The following MAST4 variants were observed in gnomAD, a reference collection of about 807,000 sequenced individuals.
MAST4 encodes the protein microtubule-associated serine/threonine-protein kinase 4.
Under a neutral mutation model 162.7 loss-of-function variants are expected in MAST4, and 89 were observed. The ratio of observed to expected loss-of-function variants is 0.55; its 90% CI spans 0.46 to 0.65. MAST4 has a LOEUF of 0.65. MAST4 is among the 30% of genes least tolerant of loss of function. The pLI is 0.00. For missense variants in MAST4, 3,153 were observed against 3,374.0 expected (o/e 0.93, Z 1.62); for synonymous variants, 1,479 against 1,361.1 (o/e 1.09, Z -1.91).
intron 3 of MAST4, among the ~76,000 whole-genome samples, chr5:66,805,037 T>G (rs1756118955): frequency 6.6e-6 from 1 of 152,232 alleles, no homozygotes; most frequent in South Asian, 2.1e-4. Context: ...CTTCTGAATT[T>G]CATGTCATGC....
At chr5:66,833,634 T>G (rs1580575828) in intron 3 of MAST4, among the ~76,000 whole-genome samples, 1 of 152,316 alleles carries the variant, frequency 6.6e-6, no homozygotes, top group Middle Eastern at 3.4e-3. Flanking sequence ...ACCTACAATA[T>G]CCTTTCTTTA....
intron 1 of MAST4, among the ~76,000 whole-genome samples, chr5:66,688,050 C>T (rs1748803491): frequency 6.6e-6 from 1 of 152,134 alleles, no homozygotes; most frequent in Admixed American, 6.6e-5. Flanking sequence ...TGAGCATGTT[C>T]TCTGTTGGGT....
At chr5:67,103,444 T>C (rs1765256342) in intron 9 of MAST4, among the ~76,000 whole-genome samples, 1 of 152,252 alleles carries the variant, frequency 6.6e-6, no homozygotes, top group Non-Finnish European at 1.5e-5. Context: ...ATTTATCACA[T>C]GTCACTTGCT....
chr5:66,652,475 G>C (rs1362600110), intron 1 of MAST4, among the ~76,000 whole-genome samples: 1 of 152,144 alleles, frequency 6.6e-6, no homozygotes, highest in Non-Finnish European at 1.5e-5. Context: ...TGGTTGCTCT[G>C]TTTTCCTAAG....
chr5:67,163,683 G>A lies in MAST4; in HGVS notation c.4504G>A (p.Ala1502Thr), dbSNP rs569286544. ...NVCDVPPLSR[A>T]RPVEQGCLKR... is the part of the protein sequence containing the mutation. ...GTGCGACGTGCCGCCGCTCAGCCGC[G>A]CCCGGCCAGTGGAGCAAGGCTGCCT... is the stretch of plus-strand genomic sequence containing the variant. The change falls in exon 29 of 29, where the codon GCC becomes ACC. Residue 1502 changes from alanine to threonine, a missense_variant. Physicochemically the swap from Ala to Thr is moderately conservative, Grantham distance 58. This residue lies in a region of MAST4 where 1,644 missense variants were observed against 1,495.0 expected (regional missense o/e 1.10). Coordinates refer to ENST00000403625, the MANE Select transcript of MAST4 (RefSeq NM_001164664.2). The surrounding 1 kb of genome is among the most constrained non-coding windows in gnomAD (Gnocchi z 7.0). The A allele has an allele frequency of 1.4e-5, 23 of 1,608,756 alleles. 1 individual carries two copies. The East Asian group carries it at 4.5e-4, about 31-fold the overall frequency.
chr5:67,003,614 A>T (rs1004364315), intron 4 of MAST4, among the ~76,000 whole-genome samples: 1 of 152,218 alleles, frequency 6.6e-6, no homozygotes, highest in Non-Finnish European at 1.5e-5. Context: ...ATTACACCAG[A>T]CTTAAGGCAG....
At chr5:66,724,839 CATT>C (rs1751417679) in intron 1 of MAST4, among the ~76,000 whole-genome samples, 3 of 151,904 alleles carry the variant, frequency 2.0e-5, no homozygotes, top group Non-Finnish European at 4.4e-5. Context: ...TTGGTTGAAA[CATT>C]ATACAGCACT....
chr5:67,035,519 A>C (rs152633), intron 4 of MAST4, among the ~76,000 whole-genome samples: 22,901 of 152,100 alleles, frequency 0.15, 1,785 homozygotes, highest in South Asian at 0.25. Flanking sequence ...TGTAACCTTT[A>C]TGATGTGGTC....
intron 13 of MAST4, 80 bp from the exon 14 acceptor site, chr5:67,120,937 T>C: frequency 9.6e-7 from 1 of 1,042,468 alleles, no homozygotes; most frequent in Non-Finnish European, 1.4e-6. Context: ...CAGCATGTCC[T>C]TCAAATATTA....
intron 4 of MAST4, among the ~76,000 whole-genome samples, chr5:66,904,829 G>A (rs990457362): frequency 3.4e-5 from 5 of 147,884 alleles, no homozygotes; most frequent in African/African-American, 1.3e-4. Flanking sequence ...GGAGTATATT[G>A]CATGACACTA....
chr5:66,911,472 CAG>C (rs1391363999), intron 4 of MAST4, among the ~76,000 whole-genome samples: 1 of 146,152 alleles, frequency 6.8e-6, no homozygotes, highest in African/African-American at 2.5e-5. Flanking sequence ...GAGGCCAAGA[CAG>C]GGGGATTGCT....
intron 2 of MAST4, 63 bp from the exon 3 acceptor site, chr5:66,788,607 C>CCCAGCCAAAAA: frequency 2.2e-6 from 3 of 1,373,724 alleles, no homozygotes; most frequent in Non-Finnish European, 3.0e-6. Context: ...CCCCCACCCC[C>CCCAGCCAAAAA]ATTGCAATAA....
chr5:66,745,183 A>G (rs1406464509), intron 1 of MAST4, among the ~76,000 whole-genome samples: 1 of 152,212 alleles, frequency 6.6e-6, no homozygotes, highest in African/African-American at 2.4e-5. Context: ...ATGAAGTCCC[A>G]GCTGTGGGCT....
At chr5:66,812,944 CTGG>C (rs1756547593) in intron 3 of MAST4, among the ~76,000 whole-genome samples, 2 of 152,196 alleles carry the variant, frequency 1.3e-5, no homozygotes, top group Admixed American at 1.3e-4. Context: ...AGCAGCATCA[CTGG>C]GGCTCAGTTT....
chr5:67,078,927 T>TA lies in MAST4; in HGVS notation c.764-11234dup, dbSNP rs1554093935. Among the ~76,000 whole-genome samples the TA allele has an allele frequency of 3.6e-3, 304 of 84,236 alleles. 16 individuals carry two copies. Among genetic ancestry groups the TA allele is most frequent in the African/African-American group, 0.014 (236 of 17,122 alleles). The allele number at this position is 84,236 out of a possible 152,430, so 55.3% of individuals were successfully genotyped here. A position where few individuals can be genotyped will look rare whatever the true frequency, so the allele number is the denominator to read the frequency against. ...TTTTATATAAATATATATATATATA[T>TA]ATATATATATATATATATATATATG... On this transcript the variant is annotated intron_variant, in intron 5 of 28. Coordinates refer to ENST00000403625, the MANE Select transcript of MAST4 (RefSeq NM_001164664.2).
chr5:66,620,454 A>G (rs1744003171), intron 1 of MAST4, among the ~76,000 whole-genome samples: 1 of 152,204 alleles, frequency 6.6e-6, no homozygotes, highest in Admixed American at 6.5e-5. Context: ...GTATGGGCAC[A>G]TTATCTCTAA....
chr5:66,793,996 T>C (rs1351469808), intron 3 of MAST4, among the ~76,000 whole-genome samples: 1 of 152,180 alleles, frequency 6.6e-6, no homozygotes, highest in Non-Finnish European at 1.5e-5. Flanking sequence ...TGGCACATAG[T>C]AGGGTGCTCA....
At chr5:66,870,515 ATATCT>A (rs1760850681) in intron 3 of MAST4, among the ~76,000 whole-genome samples, 1 of 152,206 alleles carries the variant, frequency 6.6e-6, no homozygotes, top group Non-Finnish European at 1.5e-5. Flanking sequence ...TTGATGGGAA[ATATCT>A]TAATACTGGG....
chr5:67,104,388 G>T lies in MAST4; in HGVS notation c.1169G>T (p.Arg390Leu). The part of the protein sequence containing the change: ...FPKATAQMEE[R>L]LKEIITSYSP... ...TAGGCTACAGCTCAGATGGAAGAAC[G>T]TCTAAAGGAAATTATCACCAGCTAC... Residue 390 changes from arginine (R) to leucine (L), a missense_variant, in exon 10 of 29, where the codon CGT (arginine) becomes CTT (leucine). Around this residue, in one of 7 missense-constraint regions of MAST4, gnomAD observed 360 missense variants for 450.0 expected, o/e 0.80. Coordinates refer to ENST00000403625, the MANE Select transcript of MAST4 (RefSeq NM_001164664.2). 6.2e-7 allele frequency: 1 copy of T among 1,613,694 alleles called. No homozygotes were observed. Among genetic ancestry groups the T allele is most frequent in the South Asian group, 1.1e-5 (1 of 91,072 alleles).
Sources: gnomAD v4.1 joint callset for allele counts (sites outside exome capture counted in the v4.1 genomes callset) on GRCh38, gnomAD v4.1.1 for gene constraint, gnomAD v4.1.1 regional missense constraint, Gnocchi (gnomAD v3.1) non-coding constraint, MANE v1.5 for transcripts, NCBI Gene and HGNC (gene_info 2026-07-23, HGNC 2026-07-21) for gene names.